SVEP1: variants seen among roughly 807,000 people sequenced by gnomAD.
SVEP1 encodes sushi, von Willebrand factor type A, EGF and pentraxin domain-containing protein 1.
SVEP1 carries 164 observed loss-of-function variants against 367.3 expected under a neutral mutation model. The ratio of observed to expected loss-of-function variants is 0.45; its 90% confidence interval spans 0.39 to 0.51. The LOEUF is 0.51. SVEP1 is among the 20% of genes least tolerant of loss of function. The pLI, the probability that SVEP1 is intolerant of heterozygous loss-of-function variation, is 0.00. For missense variants in SVEP1, 4,117 were observed against 4,425.3 expected (o/e 0.93, Z 1.98); for synonymous variants, 1,666 against 1,611.6 (o/e 1.03, Z -0.81).
intron 1 of SVEP1, among the ~76,000 whole-genome samples, chr9:110,554,310 A>G (rs927620664): frequency 2.6e-5 from 4 of 151,950 alleles, no homozygotes; most frequent in East Asian, 3.9e-4. Flanking sequence ...AAATGTTTCT[A>G]TCTCATCATT....
rs765134004 is a variant in SVEP1, at chr9:110,411,051, T to C, written c.6648+12A>G. The C allele has an allele frequency of 1.5e-5, 23 of 1,537,314 alleles. 1 individual carries two copies. In the South Asian group the frequency reaches 2.9e-4, roughly 20 times the overall value. On this transcript the variant is annotated intron_variant, in intron 37 of 47. Transcript: ENST00000374469. Reference sequence around the variant, plus strand: ...ACAAAAGCCACAGACCATTTGCTAATTGGTCTCTTACCTCCAGAAAGCCAT... The same window carrying C: ...ACAAAAGCCACAGACCATTTGCTAACTGGTCTCTTACCTCCAGAAAGCCAT...
At chr9:110,392,210 A>G (rs77047947) in intron 40 of SVEP1, among the ~76,000 whole-genome samples, 17 of 148,964 alleles carry the variant, frequency 1.1e-4, no homozygotes, top group Non-Finnish European at 2.1e-4. Context: ...GACTAATGCA[A>G]TGTCTCTTAT....
At chr9:110,394,140 G>A (rs1588030300) in intron 40 of SVEP1, among the ~76,000 whole-genome samples, 1 of 152,068 alleles carries the variant, frequency 6.6e-6, no homozygotes, top group Non-Finnish European at 1.5e-5. Context: ...ACATGGCCGG[G>A]TATTCCTCTG....
intron 40 of SVEP1, among the ~76,000 whole-genome samples, chr9:110,390,459 T>C (rs542414313): frequency 6.7e-6 from 1 of 149,570 alleles, no homozygotes; most frequent in Non-Finnish European, 1.5e-5. Context: ...ACTCCATATA[T>C]ATCTTGGTAA....
chr9:110,378,240 G>T (rs1172145317), intron 44 of SVEP1, among the ~76,000 whole-genome samples: 2 of 152,190 alleles, frequency 1.3e-5, no homozygotes, highest in East Asian at 3.9e-4. Flanking sequence ...GACTTTAAGT[G>T]AAGTCTGGGA....
Position 110,472,353 on chromosome 9 carries a change from T to G in SVEP1, c.2600-30A>C, listed in dbSNP as rs1253929266. ...ATAGTCGGGGCAGAGACACAAATGA[T>G]CACACAGTTGCTTTTTCGTCAGCGT... is the stretch of plus-strand genomic sequence containing the variant. On this transcript the variant is annotated intron_variant, in intron 14 of 47. Coordinates refer to ENST00000374469, the MANE Select transcript of SVEP1 (RefSeq NM_153366.4). The G allele has an allele frequency of 7.8e-6, 12 of 1,533,758 alleles. No homozygotes were observed. The Admixed American group carries it at 2.8e-4, about 36-fold the overall frequency.
In SVEP1 at chr9:110,407,926, G is replaced by A. The variant is rs2118494482; in HGVS notation, c.7674C>T (p.Ser2558=). The change falls in exon 38 of 48, where the codon TCC becomes TCT. Residue 2558 remains serine (S), a synonymous_variant. Transcript: ENST00000374469. ...APSCNAIHCD[S]PQPIENGFVE... ...CAAAACCATTTTCAATGGGTTGTGG[G>A]GAATCACAGTGGATGGCATTGCAAG... 2 of 1,613,926 alleles carry A rather than the reference G, an allele frequency of 1.2e-6. No individual in the cohort carries two copies. Among genetic ancestry groups the A allele is most frequent in the South Asian group, 1.1e-5 (1 of 91,076 alleles).
chr9:110,457,299 T>C lies in SVEP1; in HGVS notation c.3630A>G (p.Gln1210=), dbSNP rs373346470. The change falls in exon 21 of 48, where the codon CAA becomes CAG. Residue 1210 remains glutamine, a synonymous_variant. Transcript: ENST00000374469. ...NPCHNSGTCQ[Q]LGRGYVCLCP... is the part of the protein sequence containing the mutation. The stretch of plus-strand genomic sequence containing the variant: ...AGAGACAAACATAACCACGCCCAAG[T>C]TGCTGGCAGGTTCCACTATTGTGGC... The C allele has an allele frequency of 7.4e-6, 12 of 1,612,696 alleles. No individual in the cohort carries two copies. The African/African-American group carries it at 8.0e-5, about 11-fold the overall frequency.
chr9:110,513,190 A>G, intron 4 of SVEP1, 85 bp from the exon 5 acceptor site: 1 of 1,241,316 alleles, frequency 8.1e-7, no homozygotes, highest in Admixed American at 2.8e-5. Flanking sequence ...TCAAGGGGGC[A>G]TTTATGCATA....
chr9:110,439,664 T>C (rs1360726251), intron 27 of SVEP1, among the ~76,000 whole-genome samples: 2 of 152,108 alleles, frequency 1.3e-5, no homozygotes, highest in Non-Finnish European at 1.5e-5. Context: ...CGTCCCAAAG[T>C]GCTGGGACTA....
intron 46 of SVEP1, among the ~76,000 whole-genome samples, chr9:110,373,589 T>C (rs929244726): frequency 6.8e-6 from 1 of 147,018 alleles, no homozygotes; most frequent in Non-Finnish European, 1.5e-5. Context: ...AATAGTGGTA[T>C]GTCAGAATTA....
intron 2 of SVEP1, among the ~76,000 whole-genome samples, chr9:110,547,120 T>C (rs955505482): frequency 3.3e-5 from 5 of 151,954 alleles, no homozygotes; most frequent in African/African-American, 7.2e-5. Context: ...TGGAAGGAGA[T>C]TGGTGGTAGA....
At chr9:110,532,571 G>A (rs183989872) in intron 3 of SVEP1, among the ~76,000 whole-genome samples, 249 of 152,294 alleles carry the variant, frequency 1.6e-3, no homozygotes, top group African/African-American at 5.5e-3. Context: ...TCATACCCAA[G>A]AGATCATTCA....
At position 110,573,661 on chromosome 9, in the gene SVEP1, T is replaced by C. The variant is rs1027102074; in HGVS notation, c.531+5352A>G. Among the ~76,000 whole-genome samples the C allele has an allele frequency of 2.0e-5, 3 of 152,276 alleles. No homozygotes were observed. The East Asian group carries it at 5.8e-4, about 29-fold the overall frequency. ...ATGAGGGGCTCTGGTTTTATTTTGA[T>C]GTGAAATACGTAGGATTGAGAAGAG... is the stretch of plus-strand genomic sequence containing the variant. On this transcript the variant is annotated intron_variant, in intron 1 of 47. Transcript: ENST00000374469.
chr9:110,579,088 C>G lies in SVEP1; in HGVS notation c.456G>C (p.Leu152=), dbSNP rs1588116696. The G allele has an allele frequency of 4.5e-6, 7 of 1,551,826 alleles. No individual in the cohort carries two copies. The highest frequency in any genetic ancestry group is 1.4e-5 in the African/African-American group (1 of 73,044). The change falls in exon 1 of 48, where the codon CTG becomes CTC. Residue 152 remains leucine, a synonymous_variant. Coordinates refer to ENST00000374469, the MANE Select transcript of SVEP1 (RefSeq NM_153366.4). This position sits in a 1 kb window ranked among gnomAD's most constrained non-coding sequence, Gnocchi z 5.3. ...AGATGGCAGGGATCTCTTGGAGGAGCAGCGCGCACTTGTGCTGGCGCGCGC... is the reference window on the plus strand; with the variant it reads ...AGATGGCAGGGATCTCTTGGAGGAGGAGCGCGCACTTGTGCTGGCGCGCGC... ...TRRARQHKCA[L]LLQEIPAISY...
chr9:110,541,159 G>C (rs1367804558), intron 3 of SVEP1, among the ~76,000 whole-genome samples: 1 of 152,108 alleles, frequency 6.6e-6, no homozygotes, highest in Non-Finnish European at 1.5e-5. Context: ...AAACCCTTAT[G>C]GGCATTTCTA....
At chr9:110,394,177 G>C (rs1827718969) in intron 40 of SVEP1, among the ~76,000 whole-genome samples, 1 of 151,890 alleles carries the variant, frequency 6.6e-6, no homozygotes, top group South Asian at 2.1e-4. Context: ...GGAATGATCA[G>C]GCAGCAGCAT....
chr9:110,408,974 G>T, intron 37 of SVEP1, 23 bp from the exon 38 acceptor site: 2 of 1,534,978 alleles, frequency 1.3e-6, no homozygotes, highest in Non-Finnish European at 8.7e-7. Context: ...AAGAAAGCAA[G>T]TGAGTGCGAT....
intron 44 of SVEP1, among the ~76,000 whole-genome samples, chr9:110,378,949 A>G (rs1040868031): frequency 2.0e-5 from 3 of 151,988 alleles, no homozygotes; most frequent in African/African-American, 7.3e-5. Flanking sequence ...TTTGTGGTCA[A>G]CTCATCCAAC....
Sources: gnomAD v4.1 joint callset for allele counts (sites outside exome capture counted in the v4.1 genomes callset) on GRCh38, gnomAD v4.1.1 for gene constraint, Gnocchi (gnomAD v3.1) non-coding constraint, MANE v1.5 for transcripts, NCBI Gene and HGNC (gene_info 2026-07-23, HGNC 2026-07-21) for gene names.